Variants in RAC2 observed in about 807,000 individuals in gnomAD.
RAC2 encodes Rac family small GTPase 2.
RAC2 carries 1 observed loss-of-function variant against 24.0 expected under a neutral mutation model. That is an observed-to-expected ratio of 0.04 (90% CI 0.01 to 0.20). RAC2 has a LOEUF of 0.20. Among genes scored for constraint, RAC2 ranks in the 10% least tolerant of loss-of-function variants. The pLI is 1.00. For synonymous variants in RAC2, 114 were observed against 106.8 expected (o/e 1.07, Z -0.41); for missense variants, 130 against 259.1 (o/e 0.50, Z 3.42).
At chr22:37,238,016 T>G (rs1927286141) in intron 2 of RAC2, among the ~76,000 whole-genome samples, 1 of 151,402 alleles carries the variant, frequency 6.6e-6, no homozygotes, top group Admixed American at 6.6e-5. Flanking sequence ...GGGAGGGTTC[T>G]GGGTGTCATA....
At position 37,227,743 on chromosome 22, in the gene RAC2, C is replaced by T. The variant is rs550635218; in HGVS notation, c.449-940G>A. Among the ~76,000 whole-genome samples, 14 of 150,766 alleles carry T rather than the reference C, an allele frequency of 9.3e-5. No individual in the cohort carries two copies. The South Asian group carries it at 2.8e-3, about 30-fold the overall frequency. ...CAACTGAACACCAGGCTCTGGGGGC[C>T]GCCATCCAGTCCCAGTGGGGTCACC... On this transcript the variant is annotated intron_variant, in intron 5 of 6. Transcript: ENST00000249071.
At chr22:37,235,805 G>A (rs1035887577) in intron 2 of RAC2, among the ~76,000 whole-genome samples, 2 of 152,204 alleles carry the variant, frequency 1.3e-5, no homozygotes, top group Admixed American at 1.3e-4. Flanking sequence ...AGCCCCACAA[G>A]ATTCACCTGT....
At chr22:37,239,689 C>T (rs565031463) in intron 2 of RAC2, among the ~76,000 whole-genome samples, 13 of 152,268 alleles carry the variant, frequency 8.5e-5, no homozygotes, top group African/African-American at 3.1e-4. Context: ...GTGATTGGTC[C>T]AAGGTCCTTC....
Position 37,231,332 on chromosome 22 carries a change from T to C in RAC2, c.347A>G (p.Lys116Arg), listed in dbSNP as rs978951259. The C allele has an allele frequency of 1.2e-6, 2 of 1,614,140 alleles. No individual in the cohort carries two copies. The highest frequency in any genetic ancestry group is 1.7e-6 in the Non-Finnish European group (2 of 1,180,034). ...GTCCTTGTCGTCCCGCAGGTCCAGC[T>C]TGGTGCCCACCAGGATGATGGGTGT... is the stretch of plus-strand genomic sequence containing the variant. ...PSTPIILVGT[K>R]LDLRDDKDTI... is the part of the protein sequence containing the mutation. The change falls in exon 5 of 7, where the codon AAG becomes AGG. Residue 116 changes from lysine to arginine, a missense_variant. Around this residue, in one of 2 missense-constraint regions of RAC2, gnomAD observed 119 missense variants for 192.1 expected, o/e 0.62. Coordinates refer to ENST00000249071, the MANE Select transcript of RAC2 (RefSeq NM_002872.5). This position sits in a 1 kb window ranked among gnomAD's most constrained non-coding sequence, Gnocchi z 5.5.
At chr22:37,241,695 GGC>G in intron 1 of RAC2, 37 bp from the exon 2 acceptor site, 2 of 1,576,256 alleles carry the variant, frequency 1.3e-6, no homozygotes, top group African/African-American at 1.3e-5. Context: ...GGCGGTCATG[GGC>G]TCTGCCGGAG....
At position 37,232,790 on chromosome 22, in the gene RAC2, G is replaced by C. The variant is rs1569090080; in HGVS notation, c.225+11C>G. The C allele has an allele frequency of 6.2e-7, 1 of 1,604,120 alleles. No homozygotes were observed. The highest frequency in any genetic ancestry group is 2.2e-5 in the East Asian group (1 of 44,836). On this transcript the variant is annotated intron_variant, in intron 3 of 6. Coordinates refer to ENST00000249071, the MANE Select transcript of RAC2 (RefSeq NM_002872.5). ...AAGGTCAGGACTGCAAGGCAGGTGG[G>C]AGCAGCACACCGTCTGTGGATAGGA...
chr22:37,226,568 C>A, intron 6 of RAC2, 103 bp downstream of exon 6: 1 of 1,479,068 alleles, frequency 6.8e-7, no homozygotes, highest in Non-Finnish European at 9.2e-7. Context: ...TACCCACCTT[C>A]TTTCTGTCCT....
intron 2 of RAC2, chr22:37,240,880 G>A: frequency 1.6e-6 from 1 of 627,476 alleles, no homozygotes; most frequent in East Asian, 2.7e-5. Context: ...AATGTGCAGG[G>A]AGCTTGTGGC....
At chr22:37,232,980 G>T in intron 2 of RAC2, 62 bp from the exon 3 acceptor site, 1 of 1,275,256 alleles carries the variant, frequency 7.8e-7, no homozygotes, top group Non-Finnish European at 1.1e-6. Flanking sequence ...TGGGAATTGT[G>T]GTCCAGCTCC....
chr22:37,226,806 G>T lies in RAC2; in HGVS notation c.449-3C>A. On this transcript the variant is annotated splice_region_variant and splice_polypyrimidine_tract_variant and intron_variant, in intron 5 of 6. Transcript: ENST00000249071. ...GCACTCCAGGTATTTCACCGAGTCT[G>T]GTTGGGGAGATGGACAGGAGAGCCA... 6.2e-7 allele frequency: 1 copy of T among 1,612,388 alleles called. No homozygotes were observed. Among genetic ancestry groups the T allele is most frequent in the South Asian group, 1.1e-5 (1 of 91,044 alleles).
chr22:37,226,619 A>C, intron 6 of RAC2, 52 bp downstream of exon 6: 2 of 1,599,860 alleles, frequency 1.3e-6, no homozygotes, highest in Non-Finnish European at 1.7e-6. Flanking sequence ...GCCACTGCTC[A>C]GCCAGGGCCT....
chr22:37,226,938 A>ACCCTCCCGTGCCATACAC (rs1926862359), intron 5 of RAC2, 135 bp from the exon 6 acceptor site: 1 of 916,436 alleles, frequency 1.1e-6, no homozygotes, highest in African/African-American at 4.6e-5. Context: ...CACGCCATAC[A>ACCCTCCCGTGCCATACAC]CCCTCCCGTG....
rs1569089520 is a variant in RAC2, at chr22:37,231,452, G to A, written c.289-62C>T. The A allele has an allele frequency of 1.3e-5, 19 of 1,501,146 alleles. 1 individual carries two copies. Among genetic ancestry groups the A allele is most frequent in the South Asian group, 1.1e-4 (10 of 88,884 alleles). The allele number at this position is 1,501,146 out of a possible 1,614,324, so 93.0% of individuals were successfully genotyped here. On this transcript the variant is annotated intron_variant, in intron 4 of 6. Coordinates refer to ENST00000249071, the MANE Select transcript of RAC2 (RefSeq NM_002872.5). This position sits in a 1 kb window ranked among gnomAD's most constrained non-coding sequence, Gnocchi z 5.5. ...GTCAAGAGGGGGCGCGAGGCTGTGC[G>A]GGGATCAGAGGGAGTGTGAGGGTGT...
intron 1 of RAC2, 113 bp from the exon 2 acceptor site, chr22:37,241,771 G>A (rs1487205184): frequency 5.4e-6 from 5 of 929,160 alleles, no homozygotes; most frequent in Non-Finnish European, 8.8e-6. Context: ...CTAGCCCTCT[G>A]GGCCTCCGTC....
chr22:37,238,330 A>G (rs369600942), intron 2 of RAC2, among the ~76,000 whole-genome samples: 4 of 151,956 alleles, frequency 2.6e-5, no homozygotes, highest in African/African-American at 9.7e-5. Context: ...GCACCCTCCT[A>G]GGCTCAAGCG....
At chr22:37,227,878 G>C (rs1030099234) in intron 5 of RAC2, among the ~76,000 whole-genome samples, 1 of 152,146 alleles carries the variant, frequency 6.6e-6, no homozygotes, top group African/African-American at 2.4e-5. Context: ...TCCAGGGCAG[G>C]TCTGTGTCTT....
intron 2 of RAC2, among the ~76,000 whole-genome samples, chr22:37,238,233 T>C (rs950084780): frequency 3.3e-5 from 5 of 152,022 alleles, no homozygotes; most frequent in Admixed American, 2.6e-4. Flanking sequence ...TGGGAGGCTC[T>C]TTTTATTTTA....
Position 37,231,404 on chromosome 22 carries a change from T to TG in RAC2, c.289-15dup, listed in dbSNP as rs1278892643. On this transcript the variant is annotated splice_polypyrimidine_tract_variant and intron_variant, in intron 4 of 6. Transcript: ENST00000249071. This position sits in a 1 kb window ranked among gnomAD's most constrained non-coding sequence, Gnocchi z 5.5. ...TTCTGGGAACCACTGGGCAGGTGGG[T>TG]GGGGGGACACAAGGTTGTATGGGTC... 6.2e-7 allele frequency: 1 copy of TG among 1,612,442 alleles called. No individual in the cohort carries two copies. Among genetic ancestry groups the TG allele is most frequent in the East Asian group, 2.2e-5 (1 of 44,830 alleles).
chr22:37,234,120 CG>C (rs1208447041), intron 2 of RAC2, among the ~76,000 whole-genome samples: 2 of 151,802 alleles, frequency 1.3e-5, no homozygotes, highest in Non-Finnish European at 2.9e-5. Flanking sequence ...TACTATGCAT[CG>C]GGTGCAGAGC....
Sources: allele counts gnomAD v4.1 joint callset (sites outside exome capture counted in the v4.1 genomes callset), GRCh38; gene constraint gnomAD v4.1.1; regional missense constraint gnomAD v4.1.1; non-coding constraint Gnocchi (gnomAD v3.1); transcripts MANE v1.5; gene names NCBI Gene and HGNC (gene_info 2026-07-23, HGNC 2026-07-21).